CSGALNACT2: variants seen among roughly 807,000 people sequenced by gnomAD.
CSGALNACT2 encodes chondroitin sulfate N-acetylgalactosaminyltransferase 2.
A neutral mutation model predicts 55.3 loss-of-function variants in CSGALNACT2; 35 were observed. The ratio of observed to expected loss-of-function variants is 0.63; its 90% CI spans 0.48 to 0.84. The LOEUF (loss-of-function observed/expected upper bound fraction) is 0.84, where lower values mean the gene tolerates loss of function less well. Ranked by LOEUF, CSGALNACT2 falls within the 40% of genes least tolerant of loss-of-function variation. The pLI, the probability that CSGALNACT2 is intolerant of heterozygous loss-of-function variation, is 0.00. For missense variants in CSGALNACT2, 544 were observed against 657.5 expected, an observed-to-expected ratio of 0.83 and a Z score of 1.89; for synonymous variants, 196 against 224.9, an observed-to-expected ratio of 0.87 and a Z score of 1.15.
chr10:43,172,197 G>A, intron 6 of CSGALNACT2, among the ~76,000 whole-genome samples: 1 of 152,104 alleles, frequency 6.6e-6, no homozygotes, highest in East Asian at 1.9e-4. Context: ...TTAAAAGCAA[G>A]CAAAACTCTA....
intron 6 of CSGALNACT2, among the ~76,000 whole-genome samples, chr10:43,170,907 G>A (rs1042582095): frequency 6.6e-5 from 10 of 152,158 alleles, no homozygotes; most frequent in Non-Finnish European, 1.5e-4. Context: ...GAGGAGCATT[G>A]TACAAAATAC....
In CSGALNACT2 at chr10:43,155,181, G is replaced by A. The variant is rs752131934; in HGVS notation, c.32G>A (p.Arg11Gln). The A allele has an allele frequency of 4.3e-6, 7 of 1,613,892 alleles. No individual in the cohort carries two copies. Among genetic ancestry groups the A allele is most frequent in the East Asian group, 2.2e-5 (1 of 44,906 alleles). ...AGAAGAGGACTGATTCTTCACACCC[G>A]GACCCACTGGTTGCTGTTGGGCCTT... MPRRGLILHT[R>Q]THWLLLGLAL... Residue 11 changes from arginine to glutamine, a missense_variant, in exon 2 of 8, where the codon CGG becomes CAG. Arg to Gln is a conservative substitution (Grantham distance 43). Coordinates refer to ENST00000374466, the MANE Select transcript of CSGALNACT2 (RefSeq NM_018590.5).
intron 1 of CSGALNACT2, among the ~76,000 whole-genome samples, chr10:43,139,099 A>T (rs1838561445): frequency 6.6e-6 from 1 of 152,090 alleles, no homozygotes; most frequent in Non-Finnish European, 1.5e-5. Context: ...GCGGTATGAT[A>T]GTTTGATTAT....
intron 6 of CSGALNACT2, among the ~76,000 whole-genome samples, chr10:43,167,653 T>G (rs2133136837): frequency 6.6e-6 from 1 of 152,248 alleles, no homozygotes; most frequent in South Asian, 2.1e-4. Flanking sequence ...TTCACCCAGT[T>G]TCCTCTAATG....
chr10:43,163,471 G>A (rs573211086), intron 4 of CSGALNACT2: 4 of 970,406 alleles, frequency 4.1e-6, no homozygotes, highest in South Asian at 4.8e-5. Flanking sequence ...CTGATAAGGC[G>A]ACATGTGTGC....
At chr10:43,174,862 TAGAACCATATCC>T (rs1347315347) in intron 6 of CSGALNACT2, among the ~76,000 whole-genome samples, 1 of 152,256 alleles carries the variant, frequency 6.6e-6, no homozygotes, top group Non-Finnish European at 1.5e-5. Flanking sequence ...CCTCAGTTAC[TAGAACCATATCC>T]AAAAGATTAA....
intron 1 of CSGALNACT2, among the ~76,000 whole-genome samples, chr10:43,151,192 A>AT (rs1271489445): frequency 1.3e-5 from 2 of 151,524 alleles, no homozygotes; most frequent in Non-Finnish European, 2.9e-5. Flanking sequence ...TTAATTGTTG[A>AT]TTTTTTTCAT....
chr10:43,159,015 G>C, intron 3 of CSGALNACT2, 84 bp downstream of exon 3: 1 of 747,928 alleles, frequency 1.3e-6, no homozygotes, highest in Non-Finnish European at 2.2e-6. Context: ...TATCTTCACC[G>C]ATTATAATTA....
intron 1 of CSGALNACT2, among the ~76,000 whole-genome samples, chr10:43,153,334 C>CAAAAAA (rs367556732): frequency 1.8e-5 from 2 of 113,704 alleles, no homozygotes; most frequent in Admixed American, 9.3e-5. Context: ...GACTCTGTCT[C>CAAAAAA]AAAAAAAAAA....
intron 1 of CSGALNACT2, among the ~76,000 whole-genome samples, chr10:43,152,453 T>G (rs1838896725): frequency 6.6e-6 from 1 of 152,172 alleles, no homozygotes; most frequent in Non-Finnish European, 1.5e-5. Context: ...TACAGTATCC[T>G]TTCATTTTAT....
intron 4 of CSGALNACT2, chr10:43,163,590 C>G (rs1355316890): frequency 1.0e-6 from 1 of 985,182 alleles, no homozygotes; most frequent in Non-Finnish European, 1.2e-6. Context: ...TTTTTCAACT[C>G]CCCAAAAGGT....
intron 2 of CSGALNACT2, among the ~76,000 whole-genome samples, chr10:43,158,184 A>G (rs1002222987): frequency 3.6e-5 from 2 of 55,780 alleles, no homozygotes; most frequent in African/African-American, 2.1e-4. Flanking sequence ...ACACATATAT[A>G]TATACAGATA....
At chr10:43,152,261 TAACA>T (rs1838892119) in intron 1 of CSGALNACT2, among the ~76,000 whole-genome samples, 1 of 152,184 alleles carries the variant, frequency 6.6e-6, no homozygotes, top group African/African-American at 2.4e-5. Context: ...AATCAAGATG[TAACA>T]ACAGAAAAAT....
At chr10:43,151,450 C>T (rs531607460) in intron 1 of CSGALNACT2, among the ~76,000 whole-genome samples, 1 of 152,192 alleles carries the variant, frequency 6.6e-6, no homozygotes, top group African/African-American at 2.4e-5. Flanking sequence ...AGTGCTCTAC[C>T]GAGTGCCCTG....
At chr10:43,171,537 G>GAA (rs1225525627) in intron 6 of CSGALNACT2, among the ~76,000 whole-genome samples, 1 of 152,108 alleles carries the variant, frequency 6.6e-6, no homozygotes, top group Non-Finnish European at 1.5e-5. Context: ...ATTTTTAGTA[G>GAA]AGATGGGGTT....
intron 1 of CSGALNACT2, among the ~76,000 whole-genome samples, chr10:43,145,117 C>G (rs1838716371): frequency 6.6e-6 from 1 of 152,052 alleles, no homozygotes; most frequent in South Asian, 2.1e-4. Flanking sequence ...CATTTGTGTA[C>G]AAGTTTTGGT....
chr10:43,138,946 G>A (rs1564506236), intron 1 of CSGALNACT2, among the ~76,000 whole-genome samples: 1 of 152,228 alleles, frequency 6.6e-6, no homozygotes, highest in Non-Finnish European at 1.5e-5. Flanking sequence ...CGCCGGTAAA[G>A]ATGCTCTGTC....
intron 6 of CSGALNACT2, among the ~76,000 whole-genome samples, chr10:43,174,287 A>C (rs138386283): frequency 6.6e-6 from 1 of 152,012 alleles, no homozygotes; most frequent in Non-Finnish European, 1.5e-5. Flanking sequence ...TGCCTGGTTC[A>C]TTATGTGTTT....
intron 1 of CSGALNACT2, among the ~76,000 whole-genome samples, chr10:43,149,103 G>A (rs1838821182): frequency 1.3e-5 from 2 of 152,150 alleles, no homozygotes; most frequent in Admixed American, 6.5e-5. Flanking sequence ...GGTTTTTTGA[G>A]ATGGAGTCTC....
Sources: gnomAD v4.1 joint callset for allele counts (sites outside exome capture counted in the v4.1 genomes callset) on GRCh38, gnomAD v4.1.1 for gene constraint, MANE v1.5 for transcripts, NCBI Gene and HGNC (gene_info 2026-07-23, HGNC 2026-07-21) for gene names.